Variants in ANKS1B observed in about 807,000 individuals in gnomAD.
ANKS1B encodes ankyrin repeat and sterile alpha motif domain-containing protein 1B.
Under a neutral mutation model 148.3 loss-of-function variants are expected in ANKS1B, and 36 were observed. That is an observed-to-expected ratio of 0.24 (90% CI 0.19 to 0.32). The LOEUF is 0.32. Among genes scored for constraint, ANKS1B ranks in the 10% least tolerant of loss-of-function variants. ANKS1B has a pLI of 1.00. For missense variants in ANKS1B, 1,157 were observed against 1,542.6 expected (o/e 0.75, Z 4.19); for synonymous variants, 542 against 560.8 (o/e 0.97, Z 0.47).
At chr12:99,240,810 C>A (rs2089155565) in intron 14 of ANKS1B, among the ~76,000 whole-genome samples, 1 of 152,060 alleles carries the variant, frequency 6.6e-6, no homozygotes, top group African/African-American at 2.4e-5. Flanking sequence ...GGGTAAATAA[C>A]AAAATGAAGG....
intron 14 of ANKS1B, among the ~76,000 whole-genome samples, chr12:99,188,020 A>G (rs2080105967): frequency 6.8e-6 from 1 of 147,212 alleles, no homozygotes; most frequent in Admixed American, 6.8e-5. Context: ...AATGGAAAGC[A>G]AAAAAAAAAG....
Position 98,781,154 on chromosome 12 carries a change from G to A in ANKS1B, c.3404C>T (p.Ser1135Leu). The A allele has an allele frequency of 6.3e-7, 1 of 1,585,304 alleles. No homozygotes were observed. Among genetic ancestry groups the A allele is most frequent in the Non-Finnish European group, 8.6e-7 (1 of 1,163,670 alleles). ...ATCAATAAATTTGACTCCTTTATAT[G>A]AGACAGAAAGAATAATAGTAGGGAC... The part of the protein sequence containing the change: ...KKVPTIILSV[S>L]YKGVKFIDAT... The change falls in exon 24 of 27, where the codon TCA becomes TTA. Residue 1135 changes from serine to leucine, a missense_variant. By Grantham distance (145) the Ser-to-Leu change is moderately radical (BLOSUM62 -2). Around this residue, in one of 6 missense-constraint regions of ANKS1B, gnomAD observed 258 missense variants for 497.0 expected, o/e 0.52. Coordinates refer to ENST00000683438, the MANE Select transcript of ANKS1B (RefSeq NM_001352186.2).
chr12:99,175,968 T>C (rs1350245701), intron 14 of ANKS1B, among the ~76,000 whole-genome samples: 1 of 152,180 alleles, frequency 6.6e-6, no homozygotes, highest in Non-Finnish European at 1.5e-5. Flanking sequence ...TGCCTCACCC[T>C]CCCAAGTAGC....
At chr12:99,656,907 C>CA (rs752418281) in intron 8 of ANKS1B, among the ~76,000 whole-genome samples, 5 of 152,126 alleles carry the variant, frequency 3.3e-5, no homozygotes, top group Non-Finnish European at 7.4e-5. Flanking sequence ...ATCCTCCCCC[C>CA]AAAATTGTTC....
chr12:99,308,496 C>T (rs893177834), intron 12 of ANKS1B, among the ~76,000 whole-genome samples: 2 of 151,926 alleles, frequency 1.3e-5, no homozygotes, highest in East Asian at 1.9e-4. Context: ...ATGTCATTAT[C>T]ATTTGTCTAT....
intron 16 of ANKS1B, among the ~76,000 whole-genome samples, chr12:99,053,791 T>A (rs1210530952): frequency 1.3e-5 from 2 of 152,304 alleles, no homozygotes; most frequent in East Asian, 3.9e-4. Context: ...TTGGAGGTAG[T>A]GCAAACACGC....
At chr12:99,225,516 A>G (rs2085778391) in intron 14 of ANKS1B, among the ~76,000 whole-genome samples, 2 of 152,166 alleles carry the variant, frequency 1.3e-5, no homozygotes, top group South Asian at 4.1e-4. Context: ...GGAGAGTAAC[A>G]TTTGAGTCAG....
At chr12:99,009,258 T>C (rs1013168495) in intron 17 of ANKS1B, among the ~76,000 whole-genome samples, 2 of 152,160 alleles carry the variant, frequency 1.3e-5, no homozygotes, top group African/African-American at 4.8e-5. Flanking sequence ...TTTAAACAAA[T>C]CTAAACATTC....
intron 9 of ANKS1B, among the ~76,000 whole-genome samples, chr12:99,568,077 C>T (rs2097416194): frequency 6.6e-6 from 1 of 152,166 alleles, no homozygotes; most frequent in Admixed American, 6.5e-5. Context: ...AACAAATTTT[C>T]ATAATTTATT....
chr12:99,521,250 T>C (rs1426526823), intron 9 of ANKS1B, among the ~76,000 whole-genome samples: 1 of 152,232 alleles, frequency 6.6e-6, no homozygotes, highest in Non-Finnish European at 1.5e-5. Context: ...TATTTCATTC[T>C]CTTTGTTAAA....
intron 17 of ANKS1B, among the ~76,000 whole-genome samples, chr12:98,905,985 A>G (rs2099778502): frequency 6.6e-6 from 1 of 152,240 alleles, no homozygotes. Flanking sequence ...GACCTGGGAT[A>G]GAATGAACCA....
At chr12:99,033,591 G>A (rs923214704) in intron 17 of ANKS1B, among the ~76,000 whole-genome samples, 2 of 151,950 alleles carry the variant, frequency 1.3e-5, no homozygotes, top group African/African-American at 4.8e-5. Context: ...TTGAACCCAG[G>A]AGGCAGAGGT....
At position 99,570,277 on chromosome 12, in the gene ANKS1B, C is replaced by A. The variant is rs1416721784; in HGVS notation, c.1273-65636G>T. Among the ~76,000 whole-genome samples, 3 of 151,744 alleles carry A rather than the reference C, an allele frequency of 2.0e-5. No homozygotes were observed. In the East Asian group the frequency reaches 5.8e-4, roughly 29 times the overall value. On this transcript the variant is annotated intron_variant, in intron 9 of 26. Coordinates refer to ENST00000683438, the MANE Select transcript of ANKS1B (RefSeq NM_001352186.2). ...ACAATTGAGGAAATTTTAATATGAGCTGTATAGCAAATGATATTAATAATT... is the reference window on the plus strand; with the variant it reads ...ACAATTGAGGAAATTTTAATATGAGATGTATAGCAAATGATATTAATAATT...
intron 9 of ANKS1B, among the ~76,000 whole-genome samples, chr12:99,533,841 G>A (rs529126063): frequency 6.6e-6 from 1 of 151,858 alleles, no homozygotes; most frequent in African/African-American, 2.4e-5. Flanking sequence ...TCAAAATATT[G>A]AATTATTTAT....
At chr12:99,934,024 A>C (rs933284159) in intron 1 of ANKS1B, among the ~76,000 whole-genome samples, 1 of 152,146 alleles carries the variant, frequency 6.6e-6, no homozygotes, top group Admixed American at 6.5e-5. Flanking sequence ...ATCTAATGAA[A>C]TGATCATATA....
chr12:99,640,820 T>G (rs1162370455), intron 9 of ANKS1B, among the ~76,000 whole-genome samples: 1 of 152,180 alleles, frequency 6.6e-6, no homozygotes, highest in Non-Finnish European at 1.5e-5. Context: ...AGCAATAACT[T>G]GCAAACTATT....
intron 14 of ANKS1B, among the ~76,000 whole-genome samples, chr12:99,163,900 A>G (rs1239577066): frequency 6.6e-6 from 1 of 152,118 alleles, no homozygotes; most frequent in African/African-American, 2.4e-5. Context: ...CATTCCCATT[A>G]ATAGTATACA....
intron 1 of ANKS1B, among the ~76,000 whole-genome samples, chr12:99,926,749 T>G (rs1413969819): frequency 6.6e-6 from 1 of 152,238 alleles, no homozygotes; most frequent in East Asian, 1.9e-4. Context: ...GCAAATGACC[T>G]CTTATTAACT....
At chr12:99,397,341 T>C (rs181376728) in intron 12 of ANKS1B, among the ~76,000 whole-genome samples, 162 of 152,294 alleles carry the variant, frequency 1.1e-3, no homozygotes, top group African/African-American at 3.6e-3. Context: ...TCAAGTCTCA[T>C]AGCTAGGTAA....
Sources: gnomAD v4.1 joint callset for allele counts (sites outside exome capture counted in the v4.1 genomes callset) on GRCh38, gnomAD v4.1.1 for gene constraint, gnomAD v4.1.1 regional missense constraint, MANE v1.5 for transcripts, NCBI Gene and HGNC (gene_info 2026-07-23, HGNC 2026-07-21) for gene names.